The following SPRED2 variants were observed in gnomAD, a reference collection of about 807,000 sequenced individuals.
The protein encoded by SPRED2 is sprouty related EVH1 domain containing 2, also known as sprouty-related, EVH1 domain-containing protein 2.
Under a neutral mutation model 43.0 loss-of-function variants are expected in SPRED2, and 47 were observed. That is an observed-to-expected ratio of 1.09 (90% CI 0.87 to 1.40). SPRED2 has a LOEUF of 1.40. Among genes scored for constraint, SPRED2 ranks in the 40% most tolerant of loss-of-function variants. The probability of loss-of-function intolerance (pLI) is 0.00; values close to 1 mark genes in which losing one functional copy is unlikely to be tolerated. For synonymous variants in SPRED2, 225 were observed against 225.7 expected, an observed-to-expected ratio of 1.00 and a Z score of 0.03; for missense variants, 561 against 586.4, an observed-to-expected ratio of 0.96 and a Z score of 0.45.
intron 4 of SPRED2, 55 bp from the exon 5 acceptor site, chr2:65,316,938 C>T (rs1170363787): frequency 7.4e-5 from 116 of 1,571,518 alleles, no homozygotes; most frequent in East Asian, 1.3e-4. Context: ...AAAAACCCCA[C>T]GCAGCAAACC....
chr2:65,370,247 G>A (rs1480421358), intron 1 of SPRED2, among the ~76,000 whole-genome samples: 2 of 152,194 alleles, frequency 1.3e-5, no homozygotes, highest in Admixed American at 6.5e-5. Context: ...TGTTTTGAAT[G>A]GTATAAATGC....
rs765398690 is a variant in SPRED2 at position 65,344,841 on chromosome 2, C to G, written c.82G>C (p.Gly28Arg). 2 of 1,614,132 alleles carry G rather than the reference C, an allele frequency of 1.2e-6. No individual in the cohort carries two copies. The highest frequency in any genetic ancestry group is 1.7e-6 in the Non-Finnish European group (2 of 1,180,024). Residue 28 changes from glycine to arginine, a missense_variant, in exon 2 of 6, where the codon GGG becomes CGG. By Grantham distance (125) the Gly-to-Arg change is moderately radical (BLOSUM62 -2). Transcript: ENST00000356388. ...AVVMTRDDSS[G>R]GWFPQEGGGI... Reference sequence around the variant, plus strand: ...CCTCCTTCCTGTGGGAACCATCCCCCGCTGGAGTCATCTCTGGTCATAACC... The same window carrying G: ...CCTCCTTCCTGTGGGAACCATCCCCGGCTGGAGTCATCTCTGGTCATAACC...
chr2:65,402,276 C>T (rs1675920931), intron 1 of SPRED2, among the ~76,000 whole-genome samples: 1 of 44,046 alleles, frequency 2.3e-5, no homozygotes, highest in Admixed American at 4.5e-4. Context: ...GAGACTCTGT[C>T]TCAAAAAAAA....
chr2:65,424,436 A>G (rs779893875), intron 1 of SPRED2, among the ~76,000 whole-genome samples: 1 of 152,128 alleles, frequency 6.6e-6, no homozygotes, highest in African/African-American at 2.4e-5. Context: ...CTATGTGCTC[A>G]GTGTTCTGCC....
At chr2:65,360,079 CAA>C (rs143422380) in intron 1 of SPRED2, among the ~76,000 whole-genome samples, 1 of 93,704 alleles carries the variant, frequency 1.1e-5, no homozygotes, top group Non-Finnish European at 2.0e-5. Flanking sequence ...AAAAAAAAAA[CAA>C]AAAAAAACAA....
At chr2:65,338,578 A>C (rs1674055433) in intron 2 of SPRED2, among the ~76,000 whole-genome samples, 2 of 151,008 alleles carry the variant, frequency 1.3e-5, no homozygotes, top group South Asian at 4.2e-4. Context: ...GGGATTGCAG[A>C]CGGAGTCTCA....
In SPRED2 at chr2:65,339,720, T is replaced by TAAA. The variant is rs34726276; in HGVS notation, c.205-4950_205-4948dup. 2.3e-3 allele frequency among the ~76,000 whole-genome samples: 328 copies of TAAA among 143,136 alleles called. 3 individuals are homozygous for TAAA. The highest frequency in any genetic ancestry group is 7.7e-3 in the African/African-American group (295 of 38,292). The allele number at this position is 143,136 out of a possible 152,430, so 93.9% of individuals were successfully genotyped here. ...TGATCAATAAAAAATAAAATAAAAT[T>TAAA]AAAAAAAAATCCTAAAAAAAAAAAA... On this transcript the variant is annotated intron_variant, in intron 2 of 5. Transcript: ENST00000356388.
intron 3 of SPRED2, among the ~76,000 whole-genome samples, chr2:65,332,754 A>G (rs1331153686): frequency 6.6e-6 from 1 of 152,100 alleles, no homozygotes; most frequent in African/African-American, 2.4e-5. Flanking sequence ...GTTCAATGTA[A>G]TTACTTGTTC....
At chr2:65,329,169 A>G (rs1488848099) in intron 4 of SPRED2, among the ~76,000 whole-genome samples, 1 of 152,194 alleles carries the variant, frequency 6.6e-6, no homozygotes, top group Non-Finnish European at 1.5e-5. Context: ...CTGTCTTACC[A>G]GTAAGTTTTA....
chr2:65,322,290 A>ATTT lies in SPRED2; in HGVS notation c.439-5408_439-5407insAAA, dbSNP rs1346549604. On this transcript the variant is annotated intron_variant, in intron 4 of 5. Coordinates refer to ENST00000356388, the MANE Select transcript of SPRED2 (RefSeq NM_181784.3). ...TCTCTCTATATATATATATATATATATATATTTTTTTTTTTTTTTTTGAGA... is the reference window on the plus strand; with the variant it reads ...TCTCTCTATATATATATATATATATATTTTATATTTTTTTTTTTTTTTTTGAGA... 8.1e-4 allele frequency among the ~76,000 whole-genome samples: 64 copies of ATTT among 78,948 alleles called. 5 individuals are homozygous for ATTT. Among genetic ancestry groups the ATTT allele is most frequent in the African/African-American group, 1.7e-3 (28 of 16,374 alleles). 51.8% of individuals were successfully genotyped at this position (78,948 alleles called of 152,430 possible). A position where few individuals can be genotyped will look rare whatever the true frequency, so the allele number is the denominator to read the frequency against.
intron 4 of SPRED2, among the ~76,000 whole-genome samples, chr2:65,328,061 A>C (rs1474175395): frequency 2.0e-5 from 3 of 152,180 alleles, no homozygotes; most frequent in South Asian, 4.1e-4. Context: ...CAGTTTCACT[A>C]AACTTTGTAG....
At chr2:65,416,635 T>C (rs976526009) in intron 1 of SPRED2, among the ~76,000 whole-genome samples, 2 of 152,174 alleles carry the variant, frequency 1.3e-5, no homozygotes, top group Admixed American at 6.5e-5. Flanking sequence ...AAGTTTCCTG[T>C]CCTACACAAG....
intron 1 of SPRED2, among the ~76,000 whole-genome samples, chr2:65,429,713 C>G (rs1258456613): frequency 6.6e-6 from 1 of 152,196 alleles, no homozygotes; most frequent in Non-Finnish European, 1.5e-5. Context: ...AGTTTTGAGC[C>G]AAGGTCATCA....
intron 1 of SPRED2, chr2:65,377,894 C>G: frequency 2.9e-6 from 1 of 339,824 alleles, no homozygotes. Context: ...CTCATACTCT[C>G]TTTCCACATG....
intron 2 of SPRED2, among the ~76,000 whole-genome samples, chr2:65,338,865 C>T (rs1364364377): frequency 6.6e-6 from 1 of 151,792 alleles, no homozygotes; most frequent in Non-Finnish European, 1.5e-5. Flanking sequence ...GCGCCTCCTC[C>T]CGGCCGCCAT....
At chr2:65,337,342 T>TA (rs1051603080) in intron 2 of SPRED2, among the ~76,000 whole-genome samples, 3 of 151,986 alleles carry the variant, frequency 2.0e-5, no homozygotes, top group Admixed American at 6.5e-5. Context: ...AGAAAGGCTT[T>TA]AAAAAATACC....
At chr2:65,386,111 C>T (rs1268272815) in intron 1 of SPRED2, among the ~76,000 whole-genome samples, 1 of 151,952 alleles carries the variant, frequency 6.6e-6, no homozygotes, top group East Asian at 1.9e-4. Flanking sequence ...AGGGTGAAAC[C>T]TCATCTCTAC....
intron 1 of SPRED2, among the ~76,000 whole-genome samples, chr2:65,367,398 T>C (rs1219332636): frequency 6.6e-6 from 1 of 152,230 alleles, no homozygotes; most frequent in Non-Finnish European, 1.5e-5. Context: ...GTGTAGTGCG[T>C]ATATGCAGGC....
intron 1 of SPRED2, among the ~76,000 whole-genome samples, chr2:65,386,298 AAAAAAAG>A (rs1182558392): frequency 1.3e-5 from 2 of 148,792 alleles, no homozygotes; most frequent in African/African-American, 2.5e-5. Context: ...AAAAAAAAAA[AAAAAAAG>A]AAAGCACTGG....
Sources: gnomAD v4.1 joint callset for allele counts (sites outside exome capture counted in the v4.1 genomes callset) on GRCh38, gnomAD v4.1.1 for gene constraint, MANE v1.5 for transcripts, NCBI Gene and HGNC (gene_info 2026-07-23, HGNC 2026-07-21) for gene names.